Variants in SH3PXD2A observed in about 807,000 individuals in gnomAD.
The protein encoded by SH3PXD2A is SH3 and PX domain-containing protein 2A.
Under a neutral mutation model 115.2 loss-of-function variants are expected in SH3PXD2A, and 32 were observed. That is an observed-to-expected ratio of 0.28 (90% confidence interval 0.21 to 0.37). The LOEUF is 0.37. SH3PXD2A is among the 10% of genes least tolerant of loss of function. The pLI, the probability that SH3PXD2A is intolerant of heterozygous loss-of-function variation, is 1.00. For synonymous variants in SH3PXD2A, 610 were observed against 629.1 expected (o/e 0.97, Z 0.45); for missense variants, 1,328 against 1,498.7 (o/e 0.89, Z 1.88).
chr10:103,727,912 G>C (rs959200981), intron 4 of SH3PXD2A, among the ~76,000 whole-genome samples: 1 of 152,258 alleles, frequency 6.6e-6, no homozygotes, highest in East Asian at 1.9e-4. Flanking sequence ...TGGCAGGAGA[G>C]AGTGATGCTG....
At chr10:103,731,128 G>A (rs1044237140) in intron 4 of SH3PXD2A, among the ~76,000 whole-genome samples, 3 of 151,870 alleles carry the variant, frequency 2.0e-5, no homozygotes, top group African/African-American at 7.3e-5. Flanking sequence ...TATTCTTCTC[G>A]GGGGCAGCAG....
Position 103,841,847 on chromosome 10 carries a change from G to A in SH3PXD2A, c.72+13348C>T, listed in dbSNP as rs1416559621. On this transcript the variant is annotated intron_variant, in intron 1 of 14. Transcript: ENST00000369774. ...CTCTATAAAATAGCACAGCAAGGCC[G>A]GGTGCAGTGGCTCACGCCTGTAATC... 3.9e-5 allele frequency among the ~76,000 whole-genome samples: 6 copies of A among 152,290 alleles called. No homozygotes were observed. The South Asian group carries it at 6.2e-4, about 16-fold the overall frequency.
In SH3PXD2A at chr10:103,724,484, G is replaced by A. The variant is rs1589430318; in HGVS notation, c.307-123C>T. On this transcript the variant is annotated intron_variant, in intron 4 of 14. Transcript: ENST00000369774. ...CAAGAACTGAGCCATGGAAGACATG[G>A]TCAACCAGCCACCCACCTGTCCACC... 7.2e-6 allele frequency: 4 copies of A among 556,300 alleles called. No homozygotes were observed. In the East Asian group the frequency reaches 1.4e-4, roughly 20 times the overall value. The allele number at this position is 556,300 out of a possible 1,614,324, so 34.5% of individuals were successfully genotyped here.
Position 103,596,663 on chromosome 10 carries a change from A to ACACACACACACACTCTCTCTCT in SH3PXD2A, c.*5152_*5153insAGAGAGAGAGTGTGTGTGTGTG. 3.1e-4 allele frequency: 38 copies of ACACACACACACACTCTCTCTCT among 124,510 alleles called. No individual in the cohort carries two copies. The highest frequency in any genetic ancestry group is 1.1e-3 in the African/African-American group (36 of 31,754). The allele number at this position is 124,510 out of a possible 1,614,324, so 7.7% of individuals were successfully genotyped here. On this transcript the variant is annotated 3_prime_UTR_variant, in exon 15 of 15. Coordinates refer to ENST00000369774, the MANE Select transcript of SH3PXD2A (RefSeq NM_001394015.1). ...CACACACACACACACACACACACAC[A>ACACACACACACACTCTCTCTCT]CTCTCTCTCTCTCTCTCTCTCTCAC... is the stretch of plus-strand genomic sequence containing the variant.
chr10:103,835,670 C>T (rs1218197680), intron 1 of SH3PXD2A, among the ~76,000 whole-genome samples: 1 of 152,138 alleles, frequency 6.6e-6, no homozygotes, highest in African/African-American at 2.4e-5. Flanking sequence ...TTGGCCGCCC[C>T]CCCAACCCCT....
intron 5 of SH3PXD2A, among the ~76,000 whole-genome samples, chr10:103,700,624 G>A (rs2037881284): frequency 6.6e-6 from 1 of 152,204 alleles, no homozygotes. Flanking sequence ...AGGGTTAGGG[G>A]AAGTGGGGAG....
At chr10:103,604,633 A>G (rs1227821081) in intron 14 of SH3PXD2A, among the ~76,000 whole-genome samples, 1 of 152,208 alleles carries the variant, frequency 6.6e-6, no homozygotes, top group African/African-American at 2.4e-5. Flanking sequence ...CTATGGGAAG[A>G]GGGCCAAGGA....
At chr10:103,822,035 C>G (rs942341595) in intron 1 of SH3PXD2A, among the ~76,000 whole-genome samples, 4 of 152,144 alleles carry the variant, frequency 2.6e-5, no homozygotes, top group African/African-American at 9.7e-5. Flanking sequence ...TCCTGAGTAG[C>G]TGGGATTACA....
At chr10:103,695,373 T>TACA (rs1336438253) in intron 5 of SH3PXD2A, among the ~76,000 whole-genome samples, 1 of 151,948 alleles carries the variant, frequency 6.6e-6, no homozygotes, top group Non-Finnish European at 1.5e-5. Context: ...CTAGGCATGG[T>TACA]AGCAAGCACT....
At chr10:103,645,216 C>G (rs1400786468) in intron 8 of SH3PXD2A, among the ~76,000 whole-genome samples, 1 of 152,218 alleles carries the variant, frequency 6.6e-6, no homozygotes, top group Non-Finnish European at 1.5e-5. Flanking sequence ...CTGACAAGCT[C>G]AGACTCTCTG....
At chr10:103,747,802 T>TTTTATTTATTTA (rs143730553) in intron 3 of SH3PXD2A, among the ~76,000 whole-genome samples, 1 of 151,720 alleles carries the variant, frequency 6.6e-6, no homozygotes, top group African/African-American at 2.4e-5. Context: ...CCTGCTTTCA[T>TTTTATTTATTTA]TTTATTTATT....
chr10:103,675,085 A>G (rs1374760135), intron 6 of SH3PXD2A, among the ~76,000 whole-genome samples: 1 of 152,120 alleles, frequency 6.6e-6, no homozygotes, highest in Non-Finnish European at 1.5e-5. Context: ...GTGCCCTTGC[A>G]CTGGAGGGCG....
chr10:103,697,808 G>GA (rs1189967307), intron 5 of SH3PXD2A, among the ~76,000 whole-genome samples: 3 of 152,198 alleles, frequency 2.0e-5, no homozygotes, highest in Non-Finnish European at 4.4e-5. Flanking sequence ...ACTGCACAGG[G>GA]AGAGGCTGGT....
intron 2 of SH3PXD2A, among the ~76,000 whole-genome samples, chr10:103,781,119 C>T: frequency 6.6e-6 from 1 of 152,202 alleles, no homozygotes; most frequent in East Asian, 1.9e-4. Context: ...GCTTGTGAAA[C>T]TGTTTCCTTC....
chr10:103,698,914 C>T (rs1041597789), intron 5 of SH3PXD2A, among the ~76,000 whole-genome samples: 1 of 152,006 alleles, frequency 6.6e-6, no homozygotes, highest in Non-Finnish European at 1.5e-5. Context: ...AGGGGGAAAG[C>T]TCTACAAGCA....
chr10:103,691,793 TCA>T (rs1491270920), intron 6 of SH3PXD2A, among the ~76,000 whole-genome samples: 1 of 151,852 alleles, frequency 6.6e-6, no homozygotes, highest in South Asian at 2.1e-4. Context: ...AAACATACCC[TCA>T]CAGCACACAG....
At chr10:103,792,648 C>G (rs567659691) in intron 2 of SH3PXD2A, among the ~76,000 whole-genome samples, 15 of 152,298 alleles carry the variant, frequency 9.8e-5, no homozygotes, top group Admixed American at 2.0e-4. Flanking sequence ...AGACAGTAAG[C>G]GCTGGGGCTG....
chr10:103,616,073 G>A (rs7905977), intron 11 of SH3PXD2A, among the ~76,000 whole-genome samples: 298 of 152,144 alleles, frequency 2.0e-3, no homozygotes, highest in African/African-American at 5.0e-3. Flanking sequence ...TGCGTGCCAT[G>A]GAGCCATGTT....
intron 1 of SH3PXD2A, among the ~76,000 whole-genome samples, chr10:103,805,762 G>A (rs1471103971): frequency 2.6e-5 from 4 of 152,226 alleles, no homozygotes; most frequent in Non-Finnish European, 5.9e-5. Context: ...AGTGGCTCAT[G>A]CCTGTAATCC....
Sources: allele counts gnomAD v4.1 joint callset (sites outside exome capture counted in the v4.1 genomes callset), GRCh38; gene constraint gnomAD v4.1.1; transcripts MANE v1.5; gene names NCBI Gene and HGNC (gene_info 2026-07-23, HGNC 2026-07-21).